CFI: variants seen among roughly 807,000 people sequenced by gnomAD.
CFI encodes the protein C3B/C4B inactivator.
A neutral mutation model predicts 78.8 loss-of-function variants in CFI; 66 were observed. The observed-to-expected ratio is 0.84, with a 90% confidence interval of 0.69 to 1.03. CFI has a LOEUF of 1.03. CFI is among the 50% of genes least tolerant of loss of function. CFI has a pLI of 0.00. For synonymous variants in CFI, 250 were observed against 232.6 expected (o/e 1.07, Z -0.68); for missense variants, 706 against 704.5 (o/e 1.00, Z -0.02).
At chr4:109,792,270 A>G (rs562308109) in intron 1 of CFI, among the ~76,000 whole-genome samples, 1 of 152,162 alleles carries the variant, frequency 6.6e-6, no homozygotes, top group South Asian at 2.1e-4. Flanking sequence ...GAAGCTTCCA[A>G]CTATTATTAT....
chr4:109,781,636 G>A lies in CFI; in HGVS notation c.58-14812C>T, dbSNP rs377448698. ...ACTATTCCACAAGATAGAGAAAGAA[G>A]GAACCCTCCCCAATTCATTCTGTGA... On this transcript the variant is annotated intron_variant, in intron 1 of 12. Transcript: ENST00000394634. Among the ~76,000 whole-genome samples, 9 of 152,174 alleles carry A rather than the reference G, an allele frequency of 5.9e-5. No homozygotes were observed. The East Asian group carries it at 1.5e-3, about 26-fold the overall frequency.
chr4:109,758,060 T>A (rs138562409), intron 6 of CFI: 29 of 834,856 alleles, frequency 3.5e-5, no homozygotes, highest in Non-Finnish European at 4.6e-5. Flanking sequence ...AACTTAATAG[T>A]TAGAAGCATT....
intron 6 of CFI, among the ~76,000 whole-genome samples, chr4:109,758,409 T>A (rs1045314984): frequency 6.6e-6 from 1 of 152,018 alleles, no homozygotes; most frequent in Admixed American, 6.6e-5. Flanking sequence ...AAAGCACTGA[T>A]GGAAGCAAAG....
Position 109,746,288 on chromosome 4 carries a change from G to C in CFI, c.1363C>G (p.Pro455Ala). 1 of 1,614,114 alleles carries C rather than the reference G, an allele frequency of 6.2e-7. No homozygotes were observed. Among genetic ancestry groups the C allele is most frequent in the Non-Finnish European group, 8.5e-7 (1 of 1,179,996 alleles). ...ELPRSIPACV[P>A]WSPYLFQPND... ...GGTTGGAATAGGTAAGGAGACCAGG[G>C]GACACAGGCAGGGATGGAACGAGGC... Residue 455 changes from proline (P) to alanine (A), a missense_variant, in exon 11 of 13, where the codon CCC (proline) becomes GCC (alanine). By Grantham distance (27) the Pro-to-Ala change is conservative. Transcript: ENST00000394634.
chr4:109,739,658 A>G (rs888918498), downstream of CFI, among the ~76,000 whole-genome samples: 4 of 152,186 alleles, frequency 2.6e-5, no homozygotes, highest in South Asian at 6.2e-4. Context: ...GTTCAGTGGC[A>G]TATACTAATC....
intron 7 of CFI, among the ~76,000 whole-genome samples, chr4:109,753,020 A>G (rs1417342704): frequency 1.4e-5 from 1 of 72,840 alleles, no homozygotes; most frequent in Non-Finnish European, 2.6e-5. Context: ...TATTTATTAT[A>G]TAAATAAATA....
intron 7 of CFI, among the ~76,000 whole-genome samples, chr4:109,753,562 A>T (rs377598135): frequency 1.7e-4 from 2 of 11,842 alleles, no homozygotes; most frequent in African/African-American, 4.5e-4. Context: ...TATATAAATA[A>T]ATATTTATAA....
the CFI span, among the ~76,000 whole-genome samples, chr4:109,733,626 T>C: frequency 6.6e-6 from 1 of 152,102 alleles, no homozygotes; most frequent in Non-Finnish European, 1.5e-5. Context: ...CAGAAGGGAT[T>C]TGCTGATGGA....
downstream of CFI, among the ~76,000 whole-genome samples, chr4:109,737,261 C>T (rs1414483507): frequency 6.6e-6 from 1 of 152,126 alleles, no homozygotes; most frequent in Non-Finnish European, 1.5e-5. Flanking sequence ...TCTCCAGCTC[C>T]TTAGCTGCAC....
intron 8 of CFI, among the ~76,000 whole-genome samples, chr4:109,751,994 CTTTAA>C (rs1190113943): frequency 6.6e-6 from 1 of 152,178 alleles, no homozygotes; most frequent in Admixed American, 6.5e-5. Context: ...GAACTTAATA[CTTTAA>C]TTTAATTTGG....
chr4:109,756,945 G>T (rs1561297876), intron 7 of CFI, among the ~76,000 whole-genome samples: 12 of 145,078 alleles, frequency 8.3e-5, no homozygotes, highest in Admixed American at 5.5e-4. Flanking sequence ...AAGAAAGAAA[G>T]AAAGAAAGAA....
Position 109,801,979 on chromosome 4 carries a change from G to A in CFI, c.-8C>T, listed in dbSNP as rs1349681830. On this transcript the variant is annotated 5_prime_UTR_variant, in exon 1 of 13. Transcript: ENST00000394634. ...AACATGAAGAAGCTTCATGTTGGAG[G>A]TGTTCGGGGTCTTTGTCTCTGCTGA... The A allele has an allele frequency of 3.1e-6, 5 of 1,610,208 alleles. No homozygotes were observed. The highest frequency in any genetic ancestry group is 4.2e-6 in the Non-Finnish European group (5 of 1,176,794).
chr4:109,780,832 T>C (rs1247243952), intron 1 of CFI, among the ~76,000 whole-genome samples: 1 of 151,996 alleles, frequency 6.6e-6, no homozygotes, highest in African/African-American at 2.4e-5. Flanking sequence ...AATTGATGAG[T>C]TCATGTCCTT....
intron 1 of CFI, chr4:109,794,452 A>G (rs1214026712): frequency 2.6e-5 from 4 of 152,044 alleles, no homozygotes; most frequent in Non-Finnish European, 5.9e-5. Context: ...CATGTTTGTT[A>G]TTGTGCTTTT....
At chr4:109,760,247 G>A (rs766160035) in intron 6 of CFI, 23 bp downstream of exon 6, 1 of 1,554,036 alleles carries the variant, frequency 6.4e-7, no homozygotes, top group Admixed American at 1.7e-5. Flanking sequence ...ATGAAAAAAA[G>A]TCACCCCAAG....
At chr4:109,755,603 T>A (rs913182040) in intron 7 of CFI, among the ~76,000 whole-genome samples, 2 of 152,280 alleles carry the variant, frequency 1.3e-5, no homozygotes, top group Admixed American at 1.3e-4. Context: ...TTCGGACTCC[T>A]CTTGTTCCGT....
At chr4:109,747,538 G>C (rs76778005) in intron 10 of CFI, among the ~76,000 whole-genome samples, 1 of 152,036 alleles carries the variant, frequency 6.6e-6, no homozygotes, top group African/African-American at 2.4e-5. Flanking sequence ...GAGTCACTTC[G>C]GCAAAGTATT....
intron 1 of CFI, among the ~76,000 whole-genome samples, chr4:109,768,988 A>G (rs531364867): frequency 5.9e-5 from 9 of 151,632 alleles, no homozygotes; most frequent in Middle Eastern, 6.8e-3. Context: ...CGCACTTTTC[A>G]TGGTTCCACG....
In CFI at chr4:109,776,752, C is replaced by T. The variant is rs1729302179; in HGVS notation, c.58-9928G>A. Among the ~76,000 whole-genome samples the T allele has an allele frequency of 2.0e-5, 3 of 152,198 alleles. 1 individual carries two copies. The highest frequency in any genetic ancestry group is 7.2e-5 in the African/African-American group (3 of 41,430). ...GTGGGGTTACCCACAAAGGGAAGCC[C>T]ATCAGACTAACAGCGGATCTCTCCG... On this transcript the variant is annotated intron_variant, in intron 1 of 12. Transcript: ENST00000394634.
Sources: allele counts gnomAD v4.1 joint callset (sites outside exome capture counted in the v4.1 genomes callset), GRCh38; gene constraint gnomAD v4.1.1; transcripts MANE v1.5; gene names NCBI Gene and HGNC (gene_info 2026-07-23, HGNC 2026-07-21).